Variants in ASXL3 observed in about 807,000 individuals in gnomAD.
ASXL3 encodes the protein putative Polycomb group protein ASXL3.
In ASXL3, 34 loss-of-function variants were observed where a neutral mutation model predicts 170.6. The ratio of observed to expected loss-of-function variants is 0.20; its 90% CI spans 0.15 to 0.27. The LOEUF is 0.27. ASXL3 is among the 10% of genes least tolerant of loss of function. The probability of loss-of-function intolerance (pLI) is 1.00; values close to 1 mark genes in which losing one functional copy is unlikely to be tolerated. For missense variants in ASXL3, 2,592 were observed against 2,695.3 expected, an observed-to-expected ratio of 0.96 and a Z score of 0.85; for synonymous variants, 1,002 against 989.1, an observed-to-expected ratio of 1.01 and a Z score of -0.24.
chr18:33,596,782 A>G (rs2065131210), intron 1 of ASXL3, among the ~76,000 whole-genome samples: 1 of 152,046 alleles, frequency 6.6e-6, no homozygotes, highest in Admixed American at 6.6e-5. Flanking sequence ...TTTGTTTTTG[A>G]GCTGACCTTC....
At chr18:33,685,201 A>G (rs988293295) in intron 8 of ASXL3, among the ~76,000 whole-genome samples, 1 of 152,230 alleles carries the variant, frequency 6.6e-6, no homozygotes, top group African/African-American at 2.4e-5. Context: ...GAATAGTTAG[A>G]AAGGAATTTT....
At chr18:33,652,297 A>T (rs1056197073) in intron 4 of ASXL3, among the ~76,000 whole-genome samples, 1 of 152,086 alleles carries the variant, frequency 6.6e-6, no homozygotes, top group Admixed American at 6.6e-5. Flanking sequence ...GTTGGTCTGC[A>T]GAACTCATAC....
intron 2 of ASXL3, chr18:33,614,300 T>G (rs187481324): frequency 9.9e-5 from 15 of 152,276 alleles, no homozygotes; most frequent in South Asian, 2.1e-4. Flanking sequence ...GAGGATTTTA[T>G]CTCAAGAAAC....
intron 2 of ASXL3, 65 bp downstream of exon 2, chr18:33,607,741 C>A: frequency 1.6e-6 from 2 of 1,216,158 alleles, no homozygotes; most frequent in Non-Finnish European, 2.4e-6. Context: ...CGTTGCTAAG[C>A]GATAGGTGTA....
At chr18:33,662,040 T>C (rs960415519) in intron 5 of ASXL3, among the ~76,000 whole-genome samples, 2 of 152,218 alleles carry the variant, frequency 1.3e-5, no homozygotes, top group African/African-American at 4.8e-5. Flanking sequence ...GTTGGGTTCA[T>C]AAATGCATTG....
chr18:33,656,254 A>AT (rs2066083358), intron 4 of ASXL3, among the ~76,000 whole-genome samples: 1 of 152,110 alleles, frequency 6.6e-6, no homozygotes, highest in South Asian at 2.1e-4. Flanking sequence ...CCTATAATAT[A>AT]TGTCAAGATC....
At chr18:33,659,697 A>G (rs1482648358) in intron 4 of ASXL3, among the ~76,000 whole-genome samples, 3 of 152,120 alleles carry the variant, frequency 2.0e-5, no homozygotes, top group Admixed American at 6.6e-5. Context: ...AAATTATTCC[A>G]GTGATTATTT....
In ASXL3 at chr18:33,740,354, G is replaced by T; in HGVS notation, c.2950G>T (p.Asp984Tyr). ...ICKEKRARIE[D>Y]DQSTRNISSS... ...TAAGGAAAAGAGAGCTAGGATAGAA[G>T]ATGATCAGTCAACCCGGAACATATC... Residue 984 changes from aspartate to tyrosine, a missense_variant, in exon 11 of 12, where the codon GAT becomes TAT. Coordinates refer to ENST00000269197, the MANE Select transcript of ASXL3 (RefSeq NM_030632.3). The T allele has an allele frequency of 1.2e-6, 2 of 1,611,458 alleles. No individual in the cohort carries two copies. Among genetic ancestry groups the T allele is most frequent in the Non-Finnish European group, 1.7e-6 (2 of 1,178,676 alleles).
chr18:33,732,084 T>C lies in ASXL3; in HGVS notation c.976+20T>C. On this transcript the variant is annotated intron_variant, in intron 9 of 11. Coordinates refer to ENST00000269197, the MANE Select transcript of ASXL3 (RefSeq NM_030632.3). ...CAGAAGGTAAATTTGTATTTTCTAT[T>C]ATTATGTGACATATTGGAGTACACA... The C allele has an allele frequency of 1.3e-6, 2 of 1,593,864 alleles. No homozygotes were observed. Among genetic ancestry groups the C allele is most frequent in the South Asian group, 1.1e-5 (1 of 89,864 alleles).
At position 33,744,035 on chromosome 18, in the gene ASXL3, G is replaced by C. The variant is rs780001921; in HGVS notation, c.4187G>C (p.Ser1396Thr). 6.2e-7 allele frequency: 1 copy of C among 1,614,052 alleles called. No individual in the cohort carries two copies. The highest frequency in any genetic ancestry group is 1.1e-5 in the South Asian group (1 of 91,074). ...GGTACCACTGTGAGAGCAGCCCTCA[G>C]CTGCAGTGATTCTGTAGCGGTCACA... ...SMGTTVRAAL[S>T]CSDSVAVTDS... The change falls in exon 12 of 12, where the codon AGC (serine) becomes ACC (threonine). Residue 1396 changes from serine to threonine, a missense_variant. This residue lies in a region of ASXL3 where 2,246 missense variants were observed against 2,219.6 expected (regional missense o/e 1.01). Transcript: ENST00000269197.
Position 33,713,233 on chromosome 18 carries a change from T to TTTTTTTTTTG in ASXL3, c.880-18731_880-18730insTTTTTGTTTT, listed in dbSNP as rs1453565906. On this transcript the variant is annotated intron_variant, in intron 8 of 11. Coordinates refer to ENST00000269197, the MANE Select transcript of ASXL3 (RefSeq NM_030632.3). ...TTAGCAATCTACCACAAGAAGGTTT[T>TTTTTTTTTTG]TTTTGTTTTGTTTTGTTTTTTTTTT... 8.0e-3 allele frequency among the ~76,000 whole-genome samples: 602 copies of TTTTTTTTTTG among 74,812 alleles called. 18 individuals are homozygous for TTTTTTTTTTG. The highest frequency in any genetic ancestry group is 0.044 in the African/African-American group (579 of 13,068). 49.1% of individuals were successfully genotyped at this position (74,812 alleles called of 152,430 possible). A position where few individuals can be genotyped will look rare whatever the true frequency, so the allele number is the denominator to read the frequency against.
chr18:33,653,287 C>T (rs1470552492), intron 4 of ASXL3, among the ~76,000 whole-genome samples: 1 of 152,040 alleles, frequency 6.6e-6, no homozygotes, highest in Non-Finnish European at 1.5e-5. Context: ...AACTACCTGG[C>T]AGCCATTCCT....
chr18:33,734,317 T>C lies in ASXL3; in HGVS notation c.984T>C (p.Phe328=), dbSNP rs1344549748. The C allele has an allele frequency of 1.9e-6, 3 of 1,599,224 alleles. No individual in the cohort carries two copies. Among genetic ancestry groups the C allele is most frequent in the South Asian group, 1.1e-5 (1 of 87,606 alleles). The change falls in exon 10 of 12, where the codon TTT becomes TTC. Residue 328 remains phenylalanine, a synonymous_variant. Coordinates refer to ENST00000269197, the MANE Select transcript of ASXL3 (RefSeq NM_030632.3). Reference sequence around the variant, plus strand: ...TTAGCATTTTCTTTTTAGGAGAGTTTACCCCAGAAATGCAGTTGCGGATAA... The same window carrying C: ...TTAGCATTTTCTTTTTAGGAGAGTTCACCCCAGAAATGCAGTTGCGGATAA... The part of the protein sequence containing the change: ...GWKQRLAEGE[F]TPEMQLRIRQ...
intron 10 of ASXL3, among the ~76,000 whole-genome samples, chr18:33,734,833 A>C (rs1280119191): frequency 6.6e-6 from 1 of 152,168 alleles, no homozygotes; most frequent in Non-Finnish European, 1.5e-5. Context: ...ATCTTTGTTT[A>C]GTCCTTCTTT....
rs373684674 is a variant in ASXL3, at chr18:33,704,259, A to G, written c.879+20691A>G. Among the ~76,000 whole-genome samples the G allele has an allele frequency of 5.9e-5, 9 of 152,258 alleles. No individual in the cohort carries two copies. The East Asian group carries it at 1.4e-3, about 23-fold the overall frequency. On this transcript the variant is annotated intron_variant, in intron 8 of 11. Transcript: ENST00000269197. The stretch of plus-strand genomic sequence containing the variant: ...TTAAGTTACATTTCACATTCAAGAA[A>G]AGTTGCAGTTTGTCAAGCTTTTTGA...
intron 5 of ASXL3, among the ~76,000 whole-genome samples, chr18:33,666,615 G>C (rs1341533644): frequency 2.0e-5 from 3 of 152,114 alleles, no homozygotes; most frequent in African/African-American, 7.2e-5. Flanking sequence ...TATTATATAT[G>C]TAGCATAAAG....
At chr18:33,731,002 A>G (rs950590571) in intron 8 of ASXL3, among the ~76,000 whole-genome samples, 11 of 152,148 alleles carry the variant, frequency 7.2e-5, no homozygotes, top group Non-Finnish European at 2.9e-5. Flanking sequence ...CTTATCTTGC[A>G]TTTGTTCTCA....
At chr18:33,682,955 G>A (rs2066537148) in intron 7 of ASXL3, among the ~76,000 whole-genome samples, 1 of 152,138 alleles carries the variant, frequency 6.6e-6, no homozygotes, top group African/African-American at 2.4e-5. Context: ...CCTGACACAT[G>A]AGGAACACAC....
At chr18:33,680,925 C>T (rs768709433) in intron 7 of ASXL3, among the ~76,000 whole-genome samples, 8 of 151,808 alleles carry the variant, frequency 5.3e-5, no homozygotes, top group Non-Finnish European at 1.0e-4. Context: ...TGTGAAAATC[C>T]AGTTACCTTT....
Sources: allele counts gnomAD v4.1 joint callset (sites outside exome capture counted in the v4.1 genomes callset), GRCh38; gene constraint gnomAD v4.1.1; regional missense constraint gnomAD v4.1.1; transcripts MANE v1.5; gene names NCBI Gene and HGNC (gene_info 2026-07-23, HGNC 2026-07-21).